Variants in PPP4R2 observed in about 807,000 individuals in gnomAD.
PPP4R2 encodes serine/threonine-protein phosphatase 4 regulatory subunit 2.
PPP4R2 carries 13 observed loss-of-function variants against 47.2 expected under a neutral mutation model. That is an observed-to-expected ratio of 0.28 (90% CI 0.18 to 0.44). The LOEUF (loss-of-function observed/expected upper bound fraction) is 0.44, where lower values mean the gene tolerates loss of function less well. Ranked by LOEUF, PPP4R2 falls within the 20% of genes least tolerant of loss-of-function variation. PPP4R2 has a pLI of 1.00. For missense variants in PPP4R2, 421 were observed against 491.2 expected (o/e 0.86, Z 1.35); for synonymous variants, 151 against 163.3 (o/e 0.92, Z 0.57).
intron 2 of PPP4R2, among the ~76,000 whole-genome samples, chr3:73,044,653 A>T (rs1191408365): frequency 6.6e-6 from 1 of 152,174 alleles, no homozygotes; most frequent in Non-Finnish European, 1.5e-5. Context: ...TTTAGATAAT[A>T]GCCAACCCTA....
chr3:73,062,498 A>G (rs766454782), intron 5 of PPP4R2: 5 of 1,613,688 alleles, frequency 3.1e-6, no homozygotes, highest in South Asian at 1.1e-5. Flanking sequence ...TACACCAGGC[A>G]TTACTGAGTG....
chr3:73,061,398 T>A (rs1342443331), intron 5 of PPP4R2: 5 of 162,884 alleles, frequency 3.1e-5, no homozygotes, highest in Non-Finnish European at 2.7e-5. Context: ...ATGTTTGGAA[T>A]AACTACTTGA....
Position 72,997,050 on chromosome 3 carries a change from A to C in PPP4R2, c.13A>C (p.Arg5=). The change falls in exon 1 of 9, where the codon AGG becomes CGG. Residue 5 remains arginine, a synonymous_variant. Coordinates refer to ENST00000356692, the MANE Select transcript of PPP4R2 (RefSeq NM_174907.4). The stretch of plus-strand genomic sequence containing the variant: ...ACTCCGGGAAGCCATGGACGTCGAG[A>C]GGCTCCAGGAGGCGCTGAAAGGTGG... MDVE[R]LQEALKDFEK... 7 of 1,404,970 alleles carry C rather than the reference A, an allele frequency of 5.0e-6. No homozygotes were observed. Among genetic ancestry groups the C allele is most frequent in the Non-Finnish European group, 6.6e-6 (7 of 1,062,908 alleles). 87.0% of individuals were successfully genotyped at this position (1,404,970 alleles called of 1,614,324 possible).
intron 3 of PPP4R2, among the ~76,000 whole-genome samples, chr3:73,056,858 T>C (rs139763409): frequency 7.9e-5 from 12 of 152,270 alleles, no homozygotes; most frequent in Non-Finnish European, 1.8e-4. Flanking sequence ...TAAAACTAAT[T>C]TTAATTAGTG....
At chr3:73,058,941 G>T in intron 3 of PPP4R2, 96 bp from the exon 4 acceptor site, 1 of 690,030 alleles carries the variant, frequency 1.4e-6, no homozygotes, top group Non-Finnish European at 2.4e-6. Context: ...TTAATACATG[G>T]GTGACTAGAT....
intron 2 of PPP4R2, among the ~76,000 whole-genome samples, chr3:73,039,641 C>G (rs1169523375): frequency 1.3e-5 from 2 of 152,150 alleles, no homozygotes; most frequent in African/African-American, 4.8e-5. Context: ...TTATGGTTGT[C>G]ACAACTGGAG....
At chr3:73,019,121 A>G (rs749545071) in intron 2 of PPP4R2, among the ~76,000 whole-genome samples, 3 of 152,080 alleles carry the variant, frequency 2.0e-5, no homozygotes, top group South Asian at 2.1e-4. Context: ...TACTTTTTCT[A>G]TTTTACCTAT....
chr3:73,065,366 T>C, intron 8 of PPP4R2, 31 bp from the exon 9 acceptor site: 1 of 1,543,192 alleles, frequency 6.5e-7, no homozygotes, highest in Non-Finnish European at 8.7e-7. Flanking sequence ...GAAAATACAA[T>C]TTAACTACAA....
intron 3 of PPP4R2, among the ~76,000 whole-genome samples, chr3:73,058,774 C>G (rs1302527052): frequency 6.6e-6 from 1 of 151,452 alleles, no homozygotes; most frequent in South Asian, 2.1e-4. Flanking sequence ...TTTTTGTACC[C>G]GTTAACCATT....
intron 2 of PPP4R2, among the ~76,000 whole-genome samples, chr3:73,038,647 G>C (rs1482999304): frequency 6.6e-6 from 1 of 152,088 alleles, no homozygotes; most frequent in African/African-American, 2.4e-5. Context: ...GCCCAGCCAG[G>C]GACATTTTCT....
intron 2 of PPP4R2, among the ~76,000 whole-genome samples, chr3:73,002,556 T>G (rs1032563976): frequency 2.0e-5 from 3 of 151,828 alleles, no homozygotes; most frequent in Non-Finnish European, 4.4e-5. Flanking sequence ...GGTTTCATAT[T>G]TTGGCTGTTG....
intron 3 of PPP4R2, among the ~76,000 whole-genome samples, chr3:73,054,457 G>A (rs1702687541): frequency 6.6e-6 from 1 of 152,166 alleles, no homozygotes; most frequent in Non-Finnish European, 1.5e-5. Context: ...TATGAACTTA[G>A]TCTTTGGTAA....
chr3:73,062,989 T>C (rs532613884), intron 5 of PPP4R2: 6 of 1,143,066 alleles, frequency 5.2e-6, no homozygotes, highest in East Asian at 2.4e-5. Flanking sequence ...CTACGGGCCA[T>C]TGTGTCTGAG....
intron 3 of PPP4R2, among the ~76,000 whole-genome samples, chr3:73,048,190 G>T (rs1247419586): frequency 1.3e-5 from 2 of 151,330 alleles, no homozygotes; most frequent in Non-Finnish European, 2.9e-5. Context: ...CATTTTTAAA[G>T]AAATGTTACT....
intron 2 of PPP4R2, among the ~76,000 whole-genome samples, chr3:73,021,329 G>C (rs1053085655): frequency 1.3e-5 from 2 of 151,612 alleles, no homozygotes; most frequent in African/African-American, 4.9e-5. Flanking sequence ...AATCTCCCTG[G>C]CTCAGGTGAT....
At chr3:73,032,579 G>A (rs1172170608) in intron 2 of PPP4R2, among the ~76,000 whole-genome samples, 5 of 152,152 alleles carry the variant, frequency 3.3e-5, no homozygotes, top group Non-Finnish European at 7.4e-5. Flanking sequence ...GAGCCACCGT[G>A]CCCAGCCTAC....
Position 73,008,838 on chromosome 3 carries a change from A to G in PPP4R2, c.116+10680A>G, listed in dbSNP as rs73838446. On this transcript the variant is annotated intron_variant, in intron 2 of 8. Coordinates refer to ENST00000356692, the MANE Select transcript of PPP4R2 (RefSeq NM_174907.4). ...ATCTTGTGGAATGAACTCTGATTGGACAGTCAGGAGAGCACAAAACAGATT... is the reference window on the plus strand; with the variant it reads ...ATCTTGTGGAATGAACTCTGATTGGGCAGTCAGGAGAGCACAAAACAGATT... Among the ~76,000 whole-genome samples, 1,043 of 152,310 alleles carry G rather than the reference A, an allele frequency of 6.8e-3. 10 individuals are homozygous for G. The highest frequency in any genetic ancestry group is 0.024 in the African/African-American group (981 of 41,562).
In PPP4R2 at chr3:73,068,843, A is replaced by C. The variant is rs1703053499; in HGVS notation, c.*3121A>C. The C allele has an allele frequency of 6.6e-6, 1 of 152,240 alleles. No homozygotes were observed. The highest frequency in any genetic ancestry group is 2.1e-4 in the South Asian group (1 of 4,836). The allele number at this position is 152,240 out of a possible 1,614,324, so 9.4% of individuals were successfully genotyped here. ...AAAAATGTAACATGGTAAGGATGAA[A>C]ATGCAACTTACAAAACCAAAGGAAT... On this transcript the variant is annotated 3_prime_UTR_variant, in exon 9 of 9. Transcript: ENST00000356692.
At chr3:73,063,338 A>AAAGG (rs1553652015) in intron 5 of PPP4R2, 1,731 of 172,790 alleles carry the variant, frequency 0.01, 46 homozygotes, top group African/African-American at 0.044. Context: ...AAAAAAAAAA[A>AAAGG]AAGTCCAGGT....
Sources: gnomAD v4.1 joint callset for allele counts (sites outside exome capture counted in the v4.1 genomes callset) on GRCh38, gnomAD v4.1.1 for gene constraint, MANE v1.5 for transcripts, NCBI Gene and HGNC (gene_info 2026-07-23, HGNC 2026-07-21) for gene names.